The following AP1S3 variants were observed in gnomAD, a reference collection of about 807,000 sequenced individuals.
The protein encoded by AP1S3 is AP-1 complex subunit sigma-3.
A neutral mutation model predicts 20.9 loss-of-function variants in AP1S3; 10 were observed. The ratio of observed to expected loss-of-function variants is 0.48; its 90% CI spans 0.29 to 0.81. The LOEUF is 0.81. Ranked by LOEUF, AP1S3 falls within the 30% of genes least tolerant of loss-of-function variation. The pLI, the probability that AP1S3 is intolerant of heterozygous loss-of-function variation, is 0.08. For synonymous variants in AP1S3, 41 were observed against 61.5 expected (o/e 0.67, Z 1.56); for missense variants, 154 against 183.8 (o/e 0.84, Z 0.94).
chr2:223,832,135 C>CTGTGTGTGTG (rs774812162), intron 1 of AP1S3, among the ~76,000 whole-genome samples: 1,080 of 70,674 alleles, frequency 0.015, 25 homozygotes, highest in East Asian at 0.042. Flanking sequence ...AGTTTTCTCT[C>CTGTGTGTGTG]TGTGTGTGTG....
chr2:223,778,284 C>T (rs1559279866), intron 1 of AP1S3, among the ~76,000 whole-genome samples: 2 of 152,062 alleles, frequency 1.3e-5, no homozygotes, highest in South Asian at 4.2e-4. Flanking sequence ...CACCTCCATG[C>T]CCGGCTAATT....
intron 1 of AP1S3, among the ~76,000 whole-genome samples, chr2:223,788,060 C>T (rs1165976886): frequency 6.6e-6 from 1 of 151,898 alleles, no homozygotes; most frequent in Non-Finnish European, 1.5e-5. Context: ...TCATGCTGTG[C>T]CTCAGCCTCC....
intron 4 of AP1S3, among the ~76,000 whole-genome samples, chr2:223,760,730 G>T (rs542370355): frequency 2.0e-5 from 3 of 152,236 alleles, no homozygotes; most frequent in Admixed American, 2.0e-4. Context: ...GAAAAGAAAC[G>T]ACCACAGATT....
rs116821895 is a variant in AP1S3, at chr2:223,832,929, G to A, written c.3+4519C>T. On this transcript the variant is annotated intron_variant, in intron 1 of 4. Transcript: ENST00000396654. ...ATTCTCTCAAGTCAGATTTTAAATCGTACACCCAAAAAAAATCCTTGATTT... is the reference window on the plus strand; with the variant it reads ...ATTCTCTCAAGTCAGATTTTAAATCATACACCCAAAAAAAATCCTTGATTT... Among the ~76,000 whole-genome samples the A allele has an allele frequency of 1.5e-3, 198 of 134,372 alleles. 1 individual carries two copies. Among genetic ancestry groups the A allele is most frequent in the African/African-American group, 5.1e-3 (190 of 37,100 alleles). 88.2% of individuals were successfully genotyped at this position (134,372 alleles called of 152,430 possible).
At chr2:223,811,670 T>G (rs985969562) in intron 1 of AP1S3, among the ~76,000 whole-genome samples, 6 of 152,290 alleles carry the variant, frequency 3.9e-5, no homozygotes, top group Admixed American at 1.3e-4. Flanking sequence ...CTAATACAAC[T>G]ATTGATGCTG....
At chr2:223,835,151 T>C (rs1459144651) in intron 1 of AP1S3, among the ~76,000 whole-genome samples, 2 of 112,880 alleles carry the variant, frequency 1.8e-5, no homozygotes, top group South Asian at 2.6e-4. Flanking sequence ...GCCTTATGAG[T>C]TAGGAGATAT....
chr2:223,823,480 C>A (rs1297276630), intron 1 of AP1S3, among the ~76,000 whole-genome samples: 1 of 151,948 alleles, frequency 6.6e-6, no homozygotes, highest in African/African-American at 2.4e-5. Context: ...GTGAGACAAG[C>A]CAAGCACAGA....
chr2:223,767,402 C>G (rs544587937), intron 3 of AP1S3, among the ~76,000 whole-genome samples: 2 of 152,180 alleles, frequency 1.3e-5, no homozygotes, highest in East Asian at 3.9e-4. Context: ...CCCTCCTACC[C>G]TGCATTTGTT....
intron 4 of AP1S3, among the ~76,000 whole-genome samples, chr2:223,763,416 G>A (rs919020328): frequency 1.3e-5 from 2 of 152,090 alleles, no homozygotes; most frequent in East Asian, 1.9e-4. Context: ...AATTACTGAA[G>A]TGCCAAAGAC....
At position 223,757,041 on chromosome 2, in the gene AP1S3, G is replaced by A. The variant is rs1345472984; in HGVS notation, c.*1674C>T. On this transcript the variant is annotated 3_prime_UTR_variant, in exon 5 of 5. Transcript: ENST00000396654. ...AGTCTTGCTCTGTCACCCGCCTGGA[G>A]TGCACTGGTATGACCTTGGCTCACT... The A allele has an allele frequency of 4.5e-5, 44 of 970,812 alleles. No individual in the cohort carries two copies. Among genetic ancestry groups the A allele is most frequent in the Non-Finnish European group, 5.0e-5 (41 of 818,610 alleles). The allele number at this position is 970,812 out of a possible 1,614,324, so 60.1% of individuals were successfully genotyped here. A position where few individuals can be genotyped will look rare whatever the true frequency, so the allele number is the denominator to read the frequency against.
At chr2:223,778,013 C>A in intron 1 of AP1S3, 144 bp from the exon 2 acceptor site, 1 of 650,138 alleles carries the variant, frequency 1.5e-6, no homozygotes, top group Non-Finnish European at 2.4e-6. Flanking sequence ...AAAACTATCT[C>A]ATCTGACAAA....
intron 1 of AP1S3, among the ~76,000 whole-genome samples, chr2:223,786,359 C>T (rs74871796): frequency 0.012 from 1,856 of 152,228 alleles, 40 homozygotes; most frequent in African/African-American, 0.043. Context: ...CAAGAAAGTG[C>T]GAACCTACAG....
At position 223,765,159 on chromosome 2, in the gene AP1S3, CCATCAT is replaced by C. The variant is rs10644138; in HGVS notation, c.429+48_429+53del. ...CTGGTTAATATTATAATTATTAACACCATCATCATCATCATCATCATCTTTCTCCCA... is the reference window on the plus strand; with the variant it reads ...CTGGTTAATATTATAATTATTAACACCATCATCATCATCATCTTTCTCCCA... On this transcript the variant is annotated intron_variant, in intron 4 of 4. Transcript: ENST00000396654. 607 of 1,560,500 alleles carry C rather than the reference CCATCAT, an allele frequency of 3.9e-4. 5 individuals are homozygous for C. The Middle Eastern group carries it at 0.017, about 44-fold the overall frequency.
chr2:223,832,729 T>C (rs1692302391), intron 1 of AP1S3, among the ~76,000 whole-genome samples: 1 of 151,994 alleles, frequency 6.6e-6, no homozygotes, highest in Non-Finnish European at 1.5e-5. Flanking sequence ...ACCTACAGGT[T>C]CATAGTTCGG....
intron 3 of AP1S3, among the ~76,000 whole-genome samples, chr2:223,772,055 CGA>C (rs1690643782): frequency 6.6e-6 from 1 of 152,120 alleles, no homozygotes; most frequent in Non-Finnish European, 1.5e-5. Context: ...TGCAGTGAGC[CGA>C]GACCGCGCCA....
intron 1 of AP1S3, among the ~76,000 whole-genome samples, chr2:223,826,507 C>T (rs750976903): frequency 1.3e-5 from 2 of 152,102 alleles, no homozygotes; most frequent in Admixed American, 6.6e-5. Context: ...GCATGAGAAT[C>T]GCTTGAACCC....
intron 1 of AP1S3, among the ~76,000 whole-genome samples, chr2:223,780,343 A>T (rs1164422310): frequency 1.2e-3 from 135 of 114,916 alleles, no homozygotes; most frequent in East Asian, 5.3e-3. Context: ...AGAGAGAGAG[A>T]GAGAGAGAGA....
chr2:223,825,520 C>T (rs1692108676), intron 1 of AP1S3, among the ~76,000 whole-genome samples: 1 of 152,138 alleles, frequency 6.6e-6, no homozygotes. Flanking sequence ...CAGCCCCAGG[C>T]CTGTCTCTCC....
chr2:223,824,195 G>GT (rs139381245), intron 1 of AP1S3, among the ~76,000 whole-genome samples: 25,680 of 151,928 alleles, frequency 0.17, 2,766 homozygotes, highest in East Asian at 0.4. Flanking sequence ...TAAAGATGGG[G>GT]TTTTGCCATA....
Sources: gnomAD v4.1 joint callset for allele counts (sites outside exome capture counted in the v4.1 genomes callset) on GRCh38, gnomAD v4.1.1 for gene constraint, MANE v1.5 for transcripts, NCBI Gene and HGNC (gene_info 2026-07-23, HGNC 2026-07-21) for gene names.